The following ARHGAP24 variants were observed in gnomAD, a reference collection of about 807,000 sequenced individuals.
ARHGAP24 encodes the protein Rho GTPase activating protein 24, also known as rho GTPase-activating protein 24.
A neutral mutation model predicts 76.4 loss-of-function variants in ARHGAP24; 50 were observed. The observed-to-expected ratio is 0.65, with a 90% CI of 0.52 to 0.83. ARHGAP24 has a LOEUF of 0.83. Ranked by LOEUF, ARHGAP24 falls within the 40% of genes least tolerant of loss-of-function variation. ARHGAP24 has a pLI of 0.00. For missense variants in ARHGAP24, 930 were observed against 914.2 expected (o/e 1.02, Z -0.22); for synonymous variants, 345 against 323.3 (o/e 1.07, Z -0.72).
At chr4:85,481,063 T>C (rs1447560678) in intron 1 of ARHGAP24, among the ~76,000 whole-genome samples, 2 of 152,280 alleles carry the variant, frequency 1.3e-5, no homozygotes, top group Non-Finnish European at 1.5e-5. Flanking sequence ...TCTAAGACTC[T>C]CATAATAATA....
intron 1 of ARHGAP24, among the ~76,000 whole-genome samples, chr4:85,528,710 C>T (rs370518714): frequency 9.9e-5 from 15 of 152,102 alleles, no homozygotes; most frequent in East Asian, 9.6e-4. Context: ...ATTAATATTG[C>T]GTGTCTGTCT....
chr4:85,930,787 C>A (rs938732158), intron 4 of ARHGAP24: 1 of 1,463,110 alleles, frequency 6.8e-7, no homozygotes. Context: ...TAAGCCAGGA[C>A]CTGGATGATC....
intron 2 of ARHGAP24, among the ~76,000 whole-genome samples, chr4:85,664,207 C>G (rs1722517348): frequency 6.6e-6 from 1 of 151,418 alleles, no homozygotes; most frequent in Non-Finnish European, 1.5e-5. Flanking sequence ...TTGGTCTATT[C>G]AGAGATTCAA....
intron 5 of ARHGAP24, among the ~76,000 whole-genome samples, chr4:85,960,551 G>A (rs1337018497): frequency 6.6e-6 from 1 of 152,138 alleles, no homozygotes; most frequent in Non-Finnish European, 1.5e-5. Context: ...CTAGAATAAT[G>A]TCTGATATAA....
chr4:85,622,992 T>C (rs1365240155), intron 2 of ARHGAP24, among the ~76,000 whole-genome samples: 1 of 152,158 alleles, frequency 6.6e-6, no homozygotes, highest in Non-Finnish European at 1.5e-5. Context: ...AGATTCTGGA[T>C]ATTAGCCCTT....
At chr4:85,536,085 A>G (rs1331415130) in intron 1 of ARHGAP24, among the ~76,000 whole-genome samples, 1 of 152,064 alleles carries the variant, frequency 6.6e-6, no homozygotes, top group Non-Finnish European at 1.5e-5. Flanking sequence ...ACTGCCTTTA[A>G]TGTGTCAGAC....
intron 5 of ARHGAP24, among the ~76,000 whole-genome samples, chr4:85,949,074 A>G (rs1222246665): frequency 1.3e-5 from 2 of 152,168 alleles, no homozygotes; most frequent in Admixed American, 1.3e-4. Flanking sequence ...TGTTCTCTAC[A>G]TTCCAAGTTG....
chr4:85,622,139 C>T (rs1484768593), intron 2 of ARHGAP24, among the ~76,000 whole-genome samples: 2 of 151,758 alleles, frequency 1.3e-5, no homozygotes, highest in African/African-American at 4.8e-5. Flanking sequence ...GGTGCATGTG[C>T]ACAACATGCA....
chr4:85,913,524 C>A (rs1735201741), intron 3 of ARHGAP24, among the ~76,000 whole-genome samples: 1 of 152,028 alleles, frequency 6.6e-6, no homozygotes, highest in Non-Finnish European at 1.5e-5. Context: ...ACCTGGGGAT[C>A]TCATTTAGGT....
chr4:85,827,777 C>A, intron 3 of ARHGAP24: 1 of 497,486 alleles, frequency 2.0e-6, no homozygotes, highest in Non-Finnish European at 3.3e-6. Context: ...GGGGAGCCCA[C>A]TAGTGCTGGG....
At chr4:85,540,979 A>G (rs1399747485) in intron 1 of ARHGAP24, among the ~76,000 whole-genome samples, 1 of 151,948 alleles carries the variant, frequency 6.6e-6, no homozygotes, top group African/African-American at 2.4e-5. Flanking sequence ...TCTGGGCTTA[A>G]TATATATTAT....
At chr4:85,981,718 G>GCAGTATCCCCTCCAT (rs1279959042) in intron 8 of ARHGAP24, among the ~76,000 whole-genome samples, 4 of 151,634 alleles carry the variant, frequency 2.6e-5, no homozygotes, top group Admixed American at 1.3e-4. Flanking sequence ...CTCTCTCTTA[G>GCAGTATCCCCTCCAT]CAGTATCCCC....
chr4:85,987,788 C>T (rs1418268737), intron 8 of ARHGAP24, among the ~76,000 whole-genome samples: 1 of 151,762 alleles, frequency 6.6e-6, no homozygotes, highest in African/African-American at 2.4e-5. Flanking sequence ...AAAAAATACT[C>T]ATTTTTTTCA....
chr4:85,570,677 G>T lies in ARHGAP24; in HGVS notation c.136G>T (p.Asp46Tyr), dbSNP rs1727104019. 1 of 1,613,900 alleles carries T rather than the reference G, an allele frequency of 6.2e-7. No individual in the cohort carries two copies. Among genetic ancestry groups the T allele is most frequent in the African/African-American group, 1.3e-5 (1 of 74,894 alleles). ...TACTCGCTGGTTTGTGCTCAAGGGG[G>T]ATCAGCTCTATTATTTCAAAGATGA... is the stretch of plus-strand genomic sequence containing the variant. ...WHTRWFVLKG[D>Y]QLYYFKDEDE... Residue 46 changes from aspartate to tyrosine, a missense_variant, in exon 2 of 10, where the codon GAT becomes TAT. Coordinates refer to ENST00000395184, the MANE Select transcript of ARHGAP24 (RefSeq NM_001025616.3).
intron 3 of ARHGAP24, among the ~76,000 whole-genome samples, chr4:85,748,500 C>T (rs952226168): frequency 6.6e-6 from 1 of 152,012 alleles, no homozygotes; most frequent in Admixed American, 6.6e-5. Context: ...TCAGTTGTTC[C>T]TGATAACAAA....
chr4:85,986,247 CT>C (rs1739984970), intron 8 of ARHGAP24, among the ~76,000 whole-genome samples: 1 of 151,996 alleles, frequency 6.6e-6, no homozygotes, highest in Admixed American at 6.6e-5. Context: ...ATATCCATAT[CT>C]ATATAATAGA....
At chr4:85,574,093 GTTTT>G (rs1191510164) in intron 2 of ARHGAP24, among the ~76,000 whole-genome samples, 12 of 151,820 alleles carry the variant, frequency 7.9e-5, no homozygotes, top group Admixed American at 6.6e-4. Context: ...CTTGCTTTTT[GTTTT>G]TTTACTTTCT....
intron 1 of ARHGAP24, among the ~76,000 whole-genome samples, chr4:85,521,177 C>T (rs372694194): frequency 6.6e-6 from 1 of 152,110 alleles, no homozygotes; most frequent in East Asian, 1.9e-4. Flanking sequence ...TACTAATGGC[C>T]CCAATACACT....
intron 3 of ARHGAP24, among the ~76,000 whole-genome samples, chr4:85,834,360 A>G (rs1350726728): frequency 1.3e-5 from 2 of 152,236 alleles, no homozygotes; most frequent in Non-Finnish European, 2.9e-5. Context: ...CACTAACAGT[A>G]ATCATGAAGG....
Sources: gnomAD v4.1 joint callset for allele counts (sites outside exome capture counted in the v4.1 genomes callset) on GRCh38, gnomAD v4.1.1 for gene constraint, MANE v1.5 for transcripts, NCBI Gene and HGNC (gene_info 2026-07-23, HGNC 2026-07-21) for gene names.